The following DSCAML1 variants were observed in gnomAD, a reference collection of about 807,000 sequenced individuals.
DSCAML1 encodes DS cell adhesion molecule like 1.
DSCAML1 carries 38 observed loss-of-function variants against 200.5 expected under a neutral mutation model. The observed-to-expected ratio is 0.19, with a 90% CI of 0.15 to 0.25. The LOEUF (loss-of-function observed/expected upper bound fraction) is 0.25. Among genes scored for constraint, DSCAML1 ranks in the 10% least tolerant of loss-of-function variants. DSCAML1 has a pLI of 1.00. For synonymous variants in DSCAML1, 1,215 were observed against 1,165.0 expected (o/e 1.04, Z -0.87); for missense variants, 2,223 against 2,858.8 (o/e 0.78, Z 5.07).
chr11:117,779,203 T>TC (rs1358452038), intron 2 of DSCAML1, among the ~76,000 whole-genome samples: 4 of 152,130 alleles, frequency 2.6e-5, no homozygotes, highest in Non-Finnish European at 5.9e-5. Flanking sequence ...GGCTGGGTCT[T>TC]TAAGTTGAAA....
At chr11:117,557,418 C>T (rs2050578095) in intron 3 of DSCAML1, among the ~76,000 whole-genome samples, 1 of 152,202 alleles carries the variant, frequency 6.6e-6, no homozygotes, top group African/African-American at 2.4e-5. Context: ...CAGCCCCCCT[C>T]CTGACCACCG....
intron 27 of DSCAML1, among the ~76,000 whole-genome samples, chr11:117,434,927 A>G (rs11216383): frequency 0.041 from 6,212 of 152,288 alleles, 423 homozygotes; most frequent in African/African-American, 0.14. Context: ...CTGTGCTACT[A>G]TTGTCTCCTG....
rs377412108 is a variant in DSCAML1, at chr11:117,447,204, C to G, written c.3709-3165G>C. Among the ~76,000 whole-genome samples, 28 of 152,262 alleles carry G rather than the reference C, an allele frequency of 1.8e-4. No homozygotes were observed. In the South Asian group the frequency reaches 2.7e-3, roughly 15 times the overall value. ...TTGGGAGGCTGAGGCAGGAGAATCA[C>G]TTGAACCCGGGAGGTGGAGGATACA... On this transcript the variant is annotated intron_variant, in intron 20 of 32. Coordinates refer to ENST00000651296, the MANE Select transcript of DSCAML1 (RefSeq NM_020693.4).
Position 117,504,872 on chromosome 11 carries a change from C to T in DSCAML1, c.2182+52G>A, listed in dbSNP as rs1309453768. 7 of 1,560,442 alleles carry T rather than the reference C, an allele frequency of 4.5e-6. 1 individual carries two copies. The highest frequency in any genetic ancestry group is 1.7e-4 in the Middle Eastern group (1 of 5,728). ...AGGTTCAAATCCCACAGAGCATCCT[C>T]CGTTCCCCGTCCCTGCCCTTCTTGG... On this transcript the variant is annotated intron_variant, in intron 10 of 32. Coordinates refer to ENST00000651296, the MANE Select transcript of DSCAML1 (RefSeq NM_020693.4). This position sits in a 1 kb window ranked among gnomAD's most constrained non-coding sequence, Gnocchi z 5.0.
At position 117,685,507 on chromosome 11, in the gene DSCAML1, G is replaced by T. The variant is rs115013727; in HGVS notation, c.511+91284C>A. 4.2e-3 allele frequency among the ~76,000 whole-genome samples: 634 copies of T among 152,278 alleles called. 4 individuals carry two copies. Among genetic ancestry groups the T allele is most frequent in the African/African-American group, 0.014 (592 of 41,558 alleles). ...AGTGATGGGGCACATATGCCCCCAG[G>T]GGCAGACCTGGGGTCCCAGCACCCC... On this transcript the variant is annotated intron_variant, in intron 3 of 32. Coordinates refer to ENST00000651296, the MANE Select transcript of DSCAML1 (RefSeq NM_020693.4).
chr11:117,553,179 T>C lies in DSCAML1; in HGVS notation c.512-20657A>G, dbSNP rs556915525. Among the ~76,000 whole-genome samples, 2 of 152,230 alleles carry C rather than the reference T, an allele frequency of 1.3e-5. 1 individual carries two copies. The highest frequency in any genetic ancestry group is 4.8e-5 in the African/African-American group (2 of 41,542). On this transcript the variant is annotated intron_variant, in intron 3 of 32. Transcript: ENST00000651296. ...GTGCAAGAGCCTAAAATGATAAAACTCTTAGAAGAACAGATAAGGGAAAAC... is the reference window on the plus strand; with the variant it reads ...GTGCAAGAGCCTAAAATGATAAAACCCTTAGAAGAACAGATAAGGGAAAAC...
At chr11:117,678,829 T>C (rs1353884409) in intron 3 of DSCAML1, among the ~76,000 whole-genome samples, 1 of 152,228 alleles carries the variant, frequency 6.6e-6, no homozygotes, top group East Asian at 1.9e-4. Context: ...CAGGGCCTTG[T>C]AGGCGAGGAC....
intron 11 of DSCAML1, among the ~76,000 whole-genome samples, chr11:117,488,914 C>T (rs1447512934): frequency 6.6e-6 from 1 of 152,226 alleles, no homozygotes; most frequent in Non-Finnish European, 1.5e-5. Flanking sequence ...CAGTGTATTT[C>T]TTGACGAAGC....
At chr11:117,604,150 C>A (rs2051518947) in intron 3 of DSCAML1, among the ~76,000 whole-genome samples, 1 of 152,202 alleles carries the variant, frequency 6.6e-6, no homozygotes. Context: ...GCATCTCATT[C>A]ATCTTCATGA....
At chr11:117,545,844 G>C (rs2050363723) in intron 3 of DSCAML1, among the ~76,000 whole-genome samples, 1 of 152,232 alleles carries the variant, frequency 6.6e-6, no homozygotes, top group African/African-American at 2.4e-5. Flanking sequence ...CCCCGTGGAG[G>C]AAACCGAAGC....
chr11:117,642,197 C>T lies in DSCAML1; in HGVS notation c.512-109675G>A, dbSNP rs1491001311. Reference sequence around the variant, plus strand: ...AAGAGCAGACGGCATGACTTAGGCTCCTGCGGTATCTGAGTCTCTAGCCCA... The same window carrying T: ...AAGAGCAGACGGCATGACTTAGGCTTCTGCGGTATCTGAGTCTCTAGCCCA... On this transcript the variant is annotated intron_variant, in intron 3 of 32. Transcript: ENST00000651296. This position sits in a 1 kb window ranked among gnomAD's most constrained non-coding sequence, Gnocchi z 4.1. Among the ~76,000 whole-genome samples the T allele has an allele frequency of 6.6e-6, 1 of 152,210 alleles. No individual in the cohort carries two copies. Among genetic ancestry groups the T allele is most frequent in the Non-Finnish European group, 1.5e-5 (1 of 68,034 alleles).
At chr11:117,653,952 C>G (rs1040179919) in intron 3 of DSCAML1, among the ~76,000 whole-genome samples, 1 of 152,062 alleles carries the variant, frequency 6.6e-6, no homozygotes, top group African/African-American at 2.4e-5. Flanking sequence ...CTTGAGCCCA[C>G]GAGTTTGAGG....
At chr11:117,466,573 C>A (rs12577361) in intron 16 of DSCAML1, among the ~76,000 whole-genome samples, 21,453 of 152,062 alleles carry the variant, frequency 0.14, 2,253 homozygotes, top group East Asian at 0.46. Flanking sequence ...TGGTAGCACA[C>A]ACCTGTAGTT....
Position 117,524,944 on chromosome 11 carries a change from G to T in DSCAML1, c.798C>A (p.Leu266=), listed in dbSNP as rs1218551872. The change falls in exon 5 of 33, where the codon CTC becomes CTA. Residue 266 remains leucine, a synonymous_variant. Transcript: ENST00000651296. Reference sequence around the variant, plus strand: ...GCTTGGTCCAGCGGCTGTCAGCCGGGAGGGGCCGGCCATCCTTGAGCCAGC... The same window carrying T: ...GCTTGGTCCAGCGGCTGTCAGCCGGTAGGGGCCGGCCATCCTTGAGCCAGC... ...AIRWLKDGRP[L]PADSRWTKRI... is the part of the protein sequence containing the mutation. 2.5e-6 allele frequency: 4 copies of T among 1,613,604 alleles called. No individual in the cohort carries two copies. In the South Asian group the frequency reaches 3.3e-5, roughly 13 times the overall value.
At chr11:117,572,704 G>A (rs1261210953) in intron 3 of DSCAML1, among the ~76,000 whole-genome samples, 2 of 152,188 alleles carry the variant, frequency 1.3e-5, no homozygotes, top group African/African-American at 2.4e-5. Context: ...TCTGGTTCCC[G>A]CAAATCAGTT....
At chr11:117,659,016 C>T (rs2052788557) in intron 3 of DSCAML1, among the ~76,000 whole-genome samples, 1 of 152,146 alleles carries the variant, frequency 6.6e-6, no homozygotes, top group Non-Finnish European at 1.5e-5. Flanking sequence ...AGAGACACCT[C>T]CCTCTCCTCT....
At position 117,461,525 on chromosome 11, in the gene DSCAML1, C is replaced by A; in HGVS notation, c.3337G>T (p.Glu1113Ter). Residue 1113 changes from glutamate (E) to a stop codon, truncating the protein, a stop_gained, in exon 18 of 33, where the codon GAG becomes TAG. Transcript: ENST00000651296. LOFTEE classifies it high-confidence loss of function. ...TSDVAVISWSEPPRSTLNGVL... is the reference protein window; with the variant it reads ...TSDVAVISWS Reference sequence around the variant, plus strand: ...CCATTGAGGGTGCTGCGCGGGGGCTCTGACCAGGAGATGACGGCCACGTCA... The same window carrying A: ...CCATTGAGGGTGCTGCGCGGGGGCTATGACCAGGAGATGACGGCCACGTCA... 6.2e-7 allele frequency: 1 copy of A among 1,614,218 alleles called. No individual in the cohort carries two copies. The highest frequency in any genetic ancestry group is 8.5e-7 in the Non-Finnish European group (1 of 1,180,052).
intron 3 of DSCAML1, among the ~76,000 whole-genome samples, chr11:117,594,875 G>A (rs187408076): frequency 1.9e-3 from 285 of 152,272 alleles, no homozygotes; most frequent in Middle Eastern, 6.8e-3. Context: ...CACTTCTCCT[G>A]TCATCCTTTG....
At position 117,640,211 on chromosome 11, in the gene DSCAML1, C is replaced by T. The variant is rs373768122; in HGVS notation, c.512-107689G>A. ...TTCTTCCTCATCCCACTTGCCACTCCCACCTGGCAAACCCGCCCCACAGCC... is the reference window on the plus strand; with the variant it reads ...TTCTTCCTCATCCCACTTGCCACTCTCACCTGGCAAACCCGCCCCACAGCC... On this transcript the variant is annotated intron_variant, in intron 3 of 32. Transcript: ENST00000651296. Among the ~76,000 whole-genome samples the T allele has an allele frequency of 1.1e-4, 17 of 152,326 alleles. No individual in the cohort carries two copies. The South Asian group carries it at 3.3e-3, about 30-fold the overall frequency.
Sources: gnomAD v4.1 joint callset for allele counts (sites outside exome capture counted in the v4.1 genomes callset) on GRCh38, gnomAD v4.1.1 for gene constraint, Gnocchi (gnomAD v3.1) non-coding constraint, MANE v1.5 for transcripts, NCBI Gene and HGNC (gene_info 2026-07-23, HGNC 2026-07-21) for gene names.